Variants in ERC2 observed in about 807,000 individuals in gnomAD.
The protein encoded by ERC2 is ELKS/RAB6-interacting/CAST family member 2.
In ERC2, 42 loss-of-function variants were observed where a neutral mutation model predicts 114.8. The ratio of observed to expected loss-of-function variants is 0.37; its 90% CI spans 0.29 to 0.47. The LOEUF (loss-of-function observed/expected upper bound fraction) is 0.47, where lower values mean the gene tolerates loss of function less well. Among genes scored for constraint, ERC2 ranks in the 20% least tolerant of loss-of-function variants. The pLI, the probability that ERC2 is intolerant of heterozygous loss-of-function variation, is 0.99. For synonymous variants in ERC2, 454 were observed against 425.5 expected (o/e 1.07, Z -0.82); for missense variants, 939 against 1,150.7 (o/e 0.82, Z 2.66).
chr3:56,288,568 A>C (rs186888045), intron 3 of ERC2, among the ~76,000 whole-genome samples: 1 of 152,336 alleles, frequency 6.6e-6, no homozygotes, highest in Non-Finnish European at 1.5e-5. Context: ...TTCAAACTTA[A>C]AAGAATGCAT....
chr3:55,915,095 T>C (rs898214087), intron 13 of ERC2, among the ~76,000 whole-genome samples: 5 of 152,212 alleles, frequency 3.3e-5, no homozygotes, highest in Admixed American at 6.5e-5. Flanking sequence ...ATATCCATAG[T>C]GTCCTGAGTA....
chr3:55,893,293 T>C lies in ERC2; in HGVS notation c.2404-4744A>G, dbSNP rs190775856. On this transcript the variant is annotated intron_variant, in intron 13 of 17. Transcript: ENST00000288221. ...AAATTACTCATCTTCCTGCAGCCCA[T>C]AACTGGGTCTTTCTCCTTGTGACTC... is the stretch of plus-strand genomic sequence containing the variant. Among the ~76,000 whole-genome samples, 6 of 152,266 alleles carry C rather than the reference T, an allele frequency of 3.9e-5. No individual in the cohort carries two copies. The East Asian group carries it at 7.7e-4, about 20-fold the overall frequency.
At chr3:55,743,408 G>GAA (rs1203112050) in intron 14 of ERC2, among the ~76,000 whole-genome samples, 1 of 106,630 alleles carries the variant, frequency 9.4e-6, no homozygotes, top group Non-Finnish European at 1.9e-5. Context: ...TTCCCACATA[G>GAA]AAAAGGTCCA....
At chr3:55,919,783 G>C (rs931168365) in intron 13 of ERC2, among the ~76,000 whole-genome samples, 2 of 152,166 alleles carry the variant, frequency 1.3e-5, no homozygotes, top group Non-Finnish European at 2.9e-5. Context: ...AAGACTTGAG[G>C]GGGTAGTAAA....
chr3:56,405,183 C>A (rs993602811), intron 2 of ERC2, among the ~76,000 whole-genome samples: 4 of 152,156 alleles, frequency 2.6e-5, no homozygotes, highest in Non-Finnish European at 4.4e-5. Context: ...TTGGCTCATG[C>A]CTGTAATCCC....
chr3:55,742,078 A>T (rs1553649709), intron 14 of ERC2, among the ~76,000 whole-genome samples: 2 of 151,608 alleles, frequency 1.3e-5, no homozygotes, highest in South Asian at 2.1e-4. Flanking sequence ...ACCAAAAAAA[A>T]TGGTTTTAGC....
rs533919336 is a variant in ERC2 at position 55,802,020 on chromosome 3, C to A, written c.2565-67102G>T. Reference sequence around the variant, plus strand: ...TCAGGGACCACACTCTGAGAACTACCACCCTAGATAATATAGAATACAGGG... The same window carrying A: ...TCAGGGACCACACTCTGAGAACTACAACCCTAGATAATATAGAATACAGGG... On this transcript the variant is annotated intron_variant, in intron 14 of 17. Coordinates refer to ENST00000288221, the MANE Select transcript of ERC2 (RefSeq NM_015576.3). Among the ~76,000 whole-genome samples the A allele has an allele frequency of 3.3e-5, 5 of 152,304 alleles. No homozygotes were observed. The East Asian group carries it at 9.6e-4, about 29-fold the overall frequency.
At chr3:56,171,516 A>C (rs1373847988) in intron 4 of ERC2, among the ~76,000 whole-genome samples, 1 of 152,218 alleles carries the variant, frequency 6.6e-6, no homozygotes, top group Non-Finnish European at 1.5e-5. Context: ...CAAATGCCTC[A>C]TGCCTACAAA....
chr3:56,229,862 C>CTTTTTTTTTTTT (rs34357962), intron 3 of ERC2, among the ~76,000 whole-genome samples: 3 of 56,632 alleles, frequency 5.3e-5, no homozygotes, highest in Non-Finnish European at 3.2e-5. Context: ...AATATCTAGT[C>CTTTTTTTTTTTT]TTTTTTTTTT....
At chr3:55,860,868 A>G (rs2061997297) in intron 14 of ERC2, among the ~76,000 whole-genome samples, 1 of 152,228 alleles carries the variant, frequency 6.6e-6, no homozygotes, top group Non-Finnish European at 1.5e-5. Flanking sequence ...CTGAAGAGAG[A>G]GCCTTCTGAG....
intron 14 of ERC2, among the ~76,000 whole-genome samples, chr3:55,751,586 CT>C (rs2066708421): frequency 3.3e-5 from 5 of 152,102 alleles, no homozygotes; most frequent in Admixed American, 3.3e-4. Context: ...GTAGTTATCC[CT>C]TCAATTATCT....
Position 56,298,932 on chromosome 3 carries a change from C to T in ERC2, c.658-2497G>A, listed in dbSNP as rs76654719. ...GTAATCTAACCTTCCTCTACCAACC[C>T]GCTGTCCTTAAACCACATTAGAACA... On this transcript the variant is annotated intron_variant, in intron 2 of 17. Coordinates refer to ENST00000288221, the MANE Select transcript of ERC2 (RefSeq NM_015576.3). 3.8e-3 allele frequency among the ~76,000 whole-genome samples: 576 copies of T among 152,182 alleles called. 7 individuals are homozygous for T. Among genetic ancestry groups the T allele is most frequent in the African/African-American group, 0.013 (534 of 41,504 alleles).
rs190858790 is a variant in ERC2 at position 55,827,970 on chromosome 3, G to A, written c.2564+60419C>T. Among the ~76,000 whole-genome samples, 281 of 152,326 alleles carry A rather than the reference G, an allele frequency of 1.8e-3. 1 individual carries two copies. Among genetic ancestry groups the A allele is most frequent in the Non-Finnish European group, 3.0e-3 (207 of 68,032 alleles). The stretch of plus-strand genomic sequence containing the variant: ...ATCGCCTGTGTTCAGCACGTCCATC[G>A]CCACTGCGGCCAAGCCGATGGAAAC... On this transcript the variant is annotated intron_variant, in intron 14 of 17. Transcript: ENST00000288221.
intron 14 of ERC2, among the ~76,000 whole-genome samples, chr3:55,876,584 T>C (rs1226615321): frequency 6.6e-6 from 1 of 152,216 alleles, no homozygotes; most frequent in East Asian, 1.9e-4. Flanking sequence ...AAAGGGGCTG[T>C]TATAATTGTG....
chr3:56,107,191 G>A (rs2078710502), intron 6 of ERC2, among the ~76,000 whole-genome samples: 1 of 151,692 alleles, frequency 6.6e-6, no homozygotes, highest in Non-Finnish European at 1.5e-5. Flanking sequence ...CAATGTTTGA[G>A]TCTCTGGATC....
intron 4 of ERC2, among the ~76,000 whole-genome samples, chr3:56,169,515 C>T (rs992409071): frequency 6.6e-6 from 1 of 152,062 alleles, no homozygotes; most frequent in Non-Finnish European, 1.5e-5. Flanking sequence ...TTGCTGTAGC[C>T]ATTTGCTCAC....
chr3:55,938,893 T>C (rs571191786), intron 13 of ERC2, among the ~76,000 whole-genome samples: 23 of 152,360 alleles, frequency 1.5e-4, no homozygotes, highest in African/African-American at 5.3e-4. Context: ...TTCAATTTTA[T>C]ATTTTAAACC....
At chr3:55,994,206 T>G (rs1174666976) in intron 10 of ERC2, among the ~76,000 whole-genome samples, 1 of 16,364 alleles carries the variant, frequency 6.1e-5, no homozygotes, top group Non-Finnish European at 2.8e-4. Flanking sequence ...AAAGAATTAA[T>G]GACTGAGTAA....
At chr3:55,517,740 C>T (rs569596950) in intron 17 of ERC2, among the ~76,000 whole-genome samples, 10 of 152,300 alleles carry the variant, frequency 6.6e-5, no homozygotes, top group African/African-American at 1.9e-4. Flanking sequence ...ACTCTGGCCA[C>T]CGGCCAGCCC....
Sources: allele counts gnomAD v4.1 joint callset (sites outside exome capture counted in the v4.1 genomes callset), GRCh38; gene constraint gnomAD v4.1.1; transcripts MANE v1.5; gene names NCBI Gene and HGNC (gene_info 2026-07-23, HGNC 2026-07-21).